Variants in GNA14 observed in about 807,000 individuals in gnomAD.
GNA14 encodes the protein G protein subunit alpha 14, also known as guanine nucleotide-binding protein subunit alpha-14.
GNA14 carries 50 observed loss-of-function variants against 42.0 expected under a neutral mutation model. The observed-to-expected ratio is 1.19, with a 90% CI of 0.95 to 1.51. The LOEUF is 1.51. Among genes scored for constraint, GNA14 ranks in the 40% most tolerant of loss-of-function variants. GNA14 has a pLI of 0.00. For missense variants in GNA14, 473 were observed against 446.2 expected, an observed-to-expected ratio of 1.06 and a Z score of -0.54; for synonymous variants, 173 against 163.1, an observed-to-expected ratio of 1.06 and a Z score of -0.46.
chr9:77,506,872 C>T (rs898294012), intron 2 of GNA14, among the ~76,000 whole-genome samples: 4 of 152,248 alleles, frequency 2.6e-5, no homozygotes, highest in Admixed American at 1.3e-4. Flanking sequence ...GCAGCAACTA[C>T]CTTTCATTTG....
chr9:77,476,483 C>A (rs377709710), intron 2 of GNA14, among the ~76,000 whole-genome samples: 3 of 152,254 alleles, frequency 2.0e-5, no homozygotes, highest in Admixed American at 6.5e-5. Context: ...AGCTCCCACA[C>A]AGGAGTGTAG....
At chr9:77,589,553 G>A (rs983026212) in intron 1 of GNA14, among the ~76,000 whole-genome samples, 6 of 152,166 alleles carry the variant, frequency 3.9e-5, no homozygotes, top group Admixed American at 2.0e-4. Flanking sequence ...TACAGGTACT[G>A]TGTTTGTTGA....
At chr9:77,456,759 TATTA>T (rs1836006750) in intron 2 of GNA14, among the ~76,000 whole-genome samples, 2 of 152,176 alleles carry the variant, frequency 1.3e-5, no homozygotes, top group Non-Finnish European at 2.9e-5. Context: ...CTCCAAAGGA[TATTA>T]TTTATACAAT....
chr9:77,460,850 G>A (rs376768906), intron 2 of GNA14, among the ~76,000 whole-genome samples: 9 of 152,182 alleles, frequency 5.9e-5, no homozygotes, highest in African/African-American at 2.2e-4. Flanking sequence ...CAGGTCCAGT[G>A]TCGTTGACTT....
At chr9:77,624,359 T>C (rs921671134) in intron 1 of GNA14, among the ~76,000 whole-genome samples, 1 of 152,178 alleles carries the variant, frequency 6.6e-6, no homozygotes, top group Non-Finnish European at 1.5e-5. Flanking sequence ...CAAACTTAAA[T>C]GTTCCTGCCT....
At chr9:77,464,817 A>T (rs769427039) in intron 2 of GNA14, among the ~76,000 whole-genome samples, 3 of 152,242 alleles carry the variant, frequency 2.0e-5, no homozygotes, top group Non-Finnish European at 4.4e-5. Context: ...TAATCAAGTT[A>T]AGATGAGGTC....
At chr9:77,437,439 G>A (rs770652187) in intron 2 of GNA14, among the ~76,000 whole-genome samples, 1 of 151,968 alleles carries the variant, frequency 6.6e-6, no homozygotes, top group Non-Finnish European at 1.5e-5. Flanking sequence ...CCAGCTACTC[G>A]GGAGGCTGAG....
intron 6 of GNA14, 152 bp from the exon 7 acceptor site, chr9:77,424,321 C>G (rs1399796127): frequency 2.0e-6 from 1 of 501,060 alleles, no homozygotes; most frequent in African/African-American, 2.0e-5. Flanking sequence ...TTCTGGGGTT[C>G]AAGCAATTCT....
At chr9:77,598,630 G>A (rs1270701143) in intron 1 of GNA14, among the ~76,000 whole-genome samples, 1 of 152,202 alleles carries the variant, frequency 6.6e-6, no homozygotes, top group Non-Finnish European at 1.5e-5. Flanking sequence ...TATATGTGGA[G>A]ATTCCCAATG....
chr9:77,618,473 C>T (rs1823857361), intron 1 of GNA14, among the ~76,000 whole-genome samples: 1 of 150,444 alleles, frequency 6.6e-6, no homozygotes, highest in South Asian at 2.1e-4. Flanking sequence ...ATATGGTACC[C>T]AGTAGTTACG....
At chr9:77,612,906 C>T (rs1010930560) in intron 1 of GNA14, among the ~76,000 whole-genome samples, 5 of 152,124 alleles carry the variant, frequency 3.3e-5, no homozygotes, top group Non-Finnish European at 7.4e-5. Context: ...GAATGAGATC[C>T]CTGCACTCCA....
At chr9:77,546,487 A>G (rs1367190760) in intron 1 of GNA14, among the ~76,000 whole-genome samples, 1 of 152,156 alleles carries the variant, frequency 6.6e-6, no homozygotes, top group African/African-American at 2.4e-5. Context: ...GCTGTGAATC[A>G]GGATGTGCTT....
At chr9:77,630,606 A>T (rs1429770102) in intron 1 of GNA14, among the ~76,000 whole-genome samples, 1 of 152,214 alleles carries the variant, frequency 6.6e-6, no homozygotes, top group Non-Finnish European at 1.5e-5. Context: ...GCAAACAGTA[A>T]ATTGAAACCT....
At chr9:77,525,759 C>T (rs534341849) in intron 2 of GNA14, among the ~76,000 whole-genome samples, 37 of 151,932 alleles carry the variant, frequency 2.4e-4, no homozygotes, top group Admixed American at 7.9e-4. Flanking sequence ...AGGATGATCT[C>T]GATCTCCTGA....
At chr9:77,499,045 C>T (rs552811714) in intron 2 of GNA14, among the ~76,000 whole-genome samples, 2 of 152,262 alleles carry the variant, frequency 1.3e-5, no homozygotes, top group African/African-American at 4.8e-5. Context: ...AAGCATGTTC[C>T]AGATTTGGGA....
At chr9:77,460,529 C>G (rs958633012) in intron 2 of GNA14, among the ~76,000 whole-genome samples, 8 of 152,144 alleles carry the variant, frequency 5.3e-5, no homozygotes, top group Non-Finnish European at 1.2e-4. Flanking sequence ...ATTCATAAAC[C>G]AACTGGCAAA....
intron 1 of GNA14, among the ~76,000 whole-genome samples, chr9:77,568,399 G>A (rs1207595846): frequency 6.6e-6 from 1 of 151,788 alleles, no homozygotes; most frequent in Non-Finnish European, 1.5e-5. Context: ...GGCTGAGGTA[G>A]GAGAATCATT....
At chr9:77,499,268 A>C (rs1836925987) in intron 2 of GNA14, among the ~76,000 whole-genome samples, 1 of 152,308 alleles carries the variant, frequency 6.6e-6, no homozygotes, top group Admixed American at 6.5e-5. Flanking sequence ...CCTGATTATG[A>C]AAGTTCACTG....
At chr9:77,432,852 A>G (rs1835579646) in intron 3 of GNA14, among the ~76,000 whole-genome samples, 1 of 152,042 alleles carries the variant, frequency 6.6e-6, no homozygotes, top group Non-Finnish European at 1.5e-5. Flanking sequence ...AACTCAGGCC[A>G]CCTCAGGTAT....
Sources: gnomAD v4.1 joint callset for allele counts (sites outside exome capture counted in the v4.1 genomes callset) on GRCh38, gnomAD v4.1.1 for gene constraint, MANE v1.5 for transcripts, NCBI Gene and HGNC (gene_info 2026-07-23, HGNC 2026-07-21) for gene names.